OLA1: variants seen among roughly 807,000 people sequenced by gnomAD.
OLA1 encodes the protein obg-like ATPase 1.
In OLA1, 14 loss-of-function variants were observed where a neutral mutation model predicts 48.4. The ratio of observed to expected loss-of-function variants is 0.29; its 90% CI spans 0.19 to 0.45. The LOEUF is 0.45. Among genes scored for constraint, OLA1 ranks in the 20% least tolerant of loss-of-function variants. The pLI, the probability that OLA1 is intolerant of heterozygous loss-of-function variation, is 1.00. For synonymous variants in OLA1, 127 were observed against 150.4 expected (o/e 0.84, Z 1.14); for missense variants, 325 against 467.1 (o/e 0.70, Z 2.80).
chr2:174,229,414 C>A lies in OLA1; in HGVS notation c.139G>T (p.Ala47Ser). Reference sequence around the variant, plus strand: ...CAGAACGGGAAGTTTTCTGCTGAAGCCTGACTATTGGTTAACACATTGAAG... The same window carrying A: ...CAGAACGGGAAGTTTTCTGCTGAAGACTGACTATTGGTTAACACATTGAAG... The part of the protein sequence containing the change: ...TFFNVLTNSQ[A>S]SAENFPFCTI... The change falls in exon 3 of 11, where the codon GCT becomes TCT. Residue 47 changes from alanine (A) to serine (S), a missense_variant. Coordinates refer to ENST00000284719, the MANE Select transcript of OLA1 (RefSeq NM_013341.5). The A allele has an allele frequency of 6.2e-7, 1 of 1,613,380 alleles. No homozygotes were observed. The highest frequency in any genetic ancestry group is 8.5e-7 in the Non-Finnish European group (1 of 1,179,604).
At position 174,123,160 on chromosome 2, in the gene OLA1, T is replaced by C; in HGVS notation, c.728+20A>G. On this transcript the variant is annotated intron_variant, in intron 7 of 10. Coordinates refer to ENST00000284719, the MANE Select transcript of OLA1 (RefSeq NM_013341.5). ...TACAGAGATGATGCATCTGGGTATA[T>C]CTGGTGAGGAAAAACTTACCATTTG... is the stretch of plus-strand genomic sequence containing the variant. The C allele has an allele frequency of 4.3e-6, 5 of 1,154,926 alleles. No homozygotes were observed. The highest frequency in any genetic ancestry group is 6.5e-6 in the Non-Finnish European group (5 of 767,442). 71.5% of individuals were successfully genotyped at this position (1,154,926 alleles called of 1,614,324 possible).
intron 7 of OLA1, among the ~76,000 whole-genome samples, chr2:174,105,112 C>T (rs1403341548): frequency 1.3e-5 from 2 of 151,740 alleles, no homozygotes; most frequent in African/African-American, 2.4e-5. Context: ...TTCTGCTAAT[C>T]ACTCAGTTTA....
rs151170687 is a variant in OLA1, at chr2:174,209,471, G to A, written c.373+13562C>T. ...TGAAAGGGCCCAAGAATCCTGGGCC[G>A]GGCTAGGTTTCCTGAGCACACAGAG... On this transcript the variant is annotated intron_variant, in intron 4 of 10. Transcript: ENST00000284719. Among the ~76,000 whole-genome samples, 39 of 152,130 alleles carry A rather than the reference G, an allele frequency of 2.6e-4. No individual in the cohort carries two copies. In the East Asian group the frequency reaches 6.0e-3, roughly 23 times the overall value.
chr2:174,113,283 G>A (rs1371365056), intron 7 of OLA1, among the ~76,000 whole-genome samples: 1 of 152,144 alleles, frequency 6.6e-6, no homozygotes, highest in African/African-American at 2.4e-5. Flanking sequence ...TGCTATAACA[G>A]AAAAAGTTAA....
intron 7 of OLA1, among the ~76,000 whole-genome samples, chr2:174,086,412 A>G (rs1021314116): frequency 3.9e-5 from 6 of 152,058 alleles, no homozygotes; most frequent in African/African-American, 1.4e-4. Flanking sequence ...CATTTTTCCG[A>G]TGGGGATATG....
chr2:174,078,653 A>T (rs1684799189), intron 10 of OLA1, among the ~76,000 whole-genome samples: 1 of 151,942 alleles, frequency 6.6e-6, no homozygotes, highest in Admixed American at 6.6e-5. Context: ...TAATAAGTAC[A>T]ATTTTTCATT....
intron 7 of OLA1, among the ~76,000 whole-genome samples, chr2:174,083,373 A>G (rs1381052141): frequency 6.6e-6 from 1 of 152,096 alleles, no homozygotes; most frequent in African/African-American, 2.4e-5. Flanking sequence ...AGGATGGGAG[A>G]AAGGAATGAA....
chr2:174,088,181 T>G (rs887599306), intron 7 of OLA1, among the ~76,000 whole-genome samples: 1 of 152,216 alleles, frequency 6.6e-6, no homozygotes, highest in Admixed American at 6.5e-5. Context: ...ATTAAGGACT[T>G]GGCTTTTACT....
intron 7 of OLA1, among the ~76,000 whole-genome samples, chr2:174,116,031 C>T (rs1030112187): frequency 1.3e-5 from 2 of 152,178 alleles, no homozygotes; most frequent in African/African-American, 4.8e-5. Flanking sequence ...ACAGTACCCA[C>T]CTCCTCAATG....
At chr2:174,157,437 G>A (rs1307190561) in intron 4 of OLA1, among the ~76,000 whole-genome samples, 2 of 152,316 alleles carry the variant, frequency 1.3e-5, no homozygotes, top group East Asian at 3.9e-4. Context: ...CTGGTGTTAT[G>A]TAGATGCCAT....
intron 7 of OLA1, among the ~76,000 whole-genome samples, chr2:174,106,510 C>A (rs1685518021): frequency 6.6e-6 from 1 of 152,064 alleles, no homozygotes; most frequent in Non-Finnish European, 1.5e-5. Flanking sequence ...AAGCAGAGCA[C>A]CTGGCCACAA....
chr2:174,223,401 C>T (rs1688547886), intron 3 of OLA1, among the ~76,000 whole-genome samples: 2 of 152,018 alleles, frequency 1.3e-5, no homozygotes, highest in African/African-American at 4.8e-5. Context: ...ATGTATTTAT[C>T]GTGTTTCTGA....
chr2:174,227,178 G>A (rs138501829), intron 3 of OLA1, among the ~76,000 whole-genome samples: 1 of 152,068 alleles, frequency 6.6e-6, no homozygotes, highest in Non-Finnish European at 1.5e-5. Context: ...GATGAGGCAG[G>A]AGGAATGCTT....
chr2:174,239,695 T>C (rs1190785478), intron 2 of OLA1, among the ~76,000 whole-genome samples: 1 of 114,398 alleles, frequency 8.7e-6, no homozygotes. Context: ...CTGGGCAACA[T>C]AGTGAGAACC....
intron 2 of OLA1, among the ~76,000 whole-genome samples, chr2:174,242,953 G>A (rs1023279822): frequency 6.6e-5 from 10 of 151,956 alleles, no homozygotes; most frequent in African/African-American, 2.2e-4. Flanking sequence ...GCTCACACCT[G>A]TAATTCCAGC....
chr2:174,247,898 A>G (rs543824222), intron 1 of OLA1: 33 of 1,158,066 alleles, frequency 2.8e-5, no homozygotes, highest in Non-Finnish European at 3.9e-5. Flanking sequence ...GCAAAGTGAA[A>G]TCACAAAGAC....
chr2:174,247,548 A>C (rs1689153280), intron 1 of OLA1: 3 of 1,450,630 alleles, frequency 2.1e-6, no homozygotes, highest in Admixed American at 4.7e-5. Flanking sequence ...GTCAAAGAAA[A>C]TTCCATTGTG....
chr2:174,080,935 A>C, intron 9 of OLA1: 1 of 477,742 alleles, frequency 2.1e-6, no homozygotes, highest in South Asian at 2.5e-5. Context: ...AGAAATTCAG[A>C]CTATGTAATA....
At chr2:174,079,507 T>C (rs1190251536) in intron 9 of OLA1, among the ~76,000 whole-genome samples, 1 of 151,934 alleles carries the variant, frequency 6.6e-6, no homozygotes, top group Non-Finnish European at 1.5e-5. Flanking sequence ...AAAATCAATA[T>C]ACAAAGGGAC....
Sources: gnomAD v4.1 joint callset for allele counts (sites outside exome capture counted in the v4.1 genomes callset) on GRCh38, gnomAD v4.1.1 for gene constraint, MANE v1.5 for transcripts, NCBI Gene and HGNC (gene_info 2026-07-23, HGNC 2026-07-21) for gene names.